GNAQ: variants seen among roughly 807,000 people sequenced by gnomAD.
GNAQ encodes the protein guanine nucleotide-binding protein G(q) subunit alpha.
GNAQ carries 8 observed loss-of-function variants against 43.9 expected under a neutral mutation model. The observed-to-expected ratio is 0.18, with a 90% CI of 0.11 to 0.33. The LOEUF (loss-of-function observed/expected upper bound fraction) is 0.33. Among genes scored for constraint, GNAQ ranks in the 10% least tolerant of loss-of-function variants. The probability of loss-of-function intolerance (pLI) is 1.00; values close to 1 mark genes in which losing one functional copy is unlikely to be tolerated. For missense variants in GNAQ, 158 were observed against 450.8 expected (o/e 0.35, Z 5.88); for synonymous variants, 155 against 170.7 (o/e 0.91, Z 0.71).
intron 1 of GNAQ, among the ~76,000 whole-genome samples, chr9:77,957,154 G>A (rs997752580): frequency 6.6e-6 from 1 of 151,982 alleles, no homozygotes; most frequent in Admixed American, 6.6e-5. Context: ...TCAGAAATTC[G>A]AGACCAGTCT....
At chr9:77,806,185 C>G (rs1375443661) in intron 3 of GNAQ, among the ~76,000 whole-genome samples, 3 of 152,090 alleles carry the variant, frequency 2.0e-5, no homozygotes, top group African/African-American at 7.2e-5. Flanking sequence ...TTTCAATTTG[C>G]CTATTTGGCT....
At chr9:77,868,994 A>AG (rs139874576) in intron 2 of GNAQ, among the ~76,000 whole-genome samples, 2 of 152,070 alleles carry the variant, frequency 1.3e-5, no homozygotes, top group East Asian at 3.9e-4. Flanking sequence ...CTTGCGGGGG[A>AG]GGGGGGAAGA....
chr9:77,930,056 C>T (rs1314189134), intron 1 of GNAQ, among the ~76,000 whole-genome samples: 1 of 151,874 alleles, frequency 6.6e-6, no homozygotes, highest in Non-Finnish European at 1.5e-5. Context: ...TGATAAACAC[C>T]CCTGAACAAA....
intron 3 of GNAQ, among the ~76,000 whole-genome samples, chr9:77,798,793 C>A (rs1380372283): frequency 3.9e-5 from 6 of 152,074 alleles, no homozygotes; most frequent in Non-Finnish European, 8.8e-5. Context: ...AGTAAAGATA[C>A]AATTTTTCTC....
At chr9:77,829,738 C>T (rs1316740348) in intron 2 of GNAQ, among the ~76,000 whole-genome samples, 2 of 152,086 alleles carry the variant, frequency 1.3e-5, no homozygotes, top group Non-Finnish European at 2.9e-5. Flanking sequence ...AAATGCAGAC[C>T]TCTAGGCCTC....
chr9:77,738,516 A>G (rs1300597562), intron 5 of GNAQ, among the ~76,000 whole-genome samples: 1 of 152,202 alleles, frequency 6.6e-6, no homozygotes, highest in African/African-American at 2.4e-5. Flanking sequence ...TGAATTGCCC[A>G]CATAAAACTA....
At chr9:77,753,287 GCGCA>G (rs1221471821) in intron 5 of GNAQ, among the ~76,000 whole-genome samples, 6 of 150,774 alleles carry the variant, frequency 4.0e-5, no homozygotes, top group African/African-American at 4.9e-5. Flanking sequence ...GCGTGCGCAC[GCGCA>G]CACACACACA....
chr9:77,883,011 A>AAAATC (rs2118073745), intron 2 of GNAQ, among the ~76,000 whole-genome samples: 1 of 152,374 alleles, frequency 6.6e-6, no homozygotes, highest in South Asian at 2.1e-4. Context: ...GCAAATTCTT[A>AAAATC]AAATCAAAAT....
chr9:77,819,556 G>T (rs956215871), intron 2 of GNAQ, among the ~76,000 whole-genome samples: 2 of 152,126 alleles, frequency 1.3e-5, no homozygotes, highest in Admixed American at 1.3e-4. Context: ...TTCCACATTT[G>T]TGGAAGCTCT....
intron 2 of GNAQ, among the ~76,000 whole-genome samples, chr9:77,835,591 G>A (rs954457778): frequency 5.3e-5 from 8 of 152,136 alleles, no homozygotes; most frequent in Admixed American, 6.5e-5. Flanking sequence ...CTTTGATTGA[G>A]CATGGACTGT....
chr9:78,028,219 ATAAGT>A (rs547244162), intron 1 of GNAQ, among the ~76,000 whole-genome samples: 13 of 152,340 alleles, frequency 8.5e-5, no homozygotes, highest in Admixed American at 3.9e-4. Context: ...CAAAGAATGA[ATAAGT>A]TAAAAGACAA....
At position 77,775,683 on chromosome 9, in the gene GNAQ, C is replaced by T. The variant is rs141426262; in HGVS notation, c.735+18780G>A. Reference sequence around the variant, plus strand: ...AAAGTGCTGGGATTACAGGCATGAGCCACCACGCCCAGCCTCCTCATCTCT... The same window carrying T: ...AAAGTGCTGGGATTACAGGCATGAGTCACCACGCCCAGCCTCCTCATCTCT... On this transcript the variant is annotated intron_variant, in intron 5 of 6. Coordinates refer to ENST00000286548, the MANE Select transcript of GNAQ (RefSeq NM_002072.5). 2.0e-3 allele frequency among the ~76,000 whole-genome samples: 299 copies of T among 152,090 alleles called. 1 individual carries two copies. The highest frequency in any genetic ancestry group is 7.1e-3 in the African/African-American group (294 of 41,498).
At chr9:77,831,592 A>G (rs984933042) in intron 2 of GNAQ, among the ~76,000 whole-genome samples, 2 of 152,242 alleles carry the variant, frequency 1.3e-5, no homozygotes, top group Admixed American at 6.5e-5. Context: ...CAGATGACAT[A>G]CGCTTTCAAT....
In GNAQ at chr9:77,972,160, G is replaced by GA. The variant is rs199724892; in HGVS notation, c.137-49816dup. On this transcript the variant is annotated intron_variant, in intron 1 of 6. Transcript: ENST00000286548. ...TAGCCAAAATAATAACAATTAAAAT[G>GA]AAAAAAAAATACTAGAAACAAAATC... Among the ~76,000 whole-genome samples, 293 of 149,302 alleles carry GA rather than the reference G, an allele frequency of 2.0e-3. 2 individuals are homozygous for GA. Among genetic ancestry groups the GA allele is most frequent in the African/African-American group, 5.4e-3 (221 of 40,716 alleles).
intron 6 of GNAQ, among the ~76,000 whole-genome samples, chr9:77,722,376 A>G (rs1261818803): frequency 6.6e-6 from 1 of 151,990 alleles, no homozygotes; most frequent in Non-Finnish European, 1.5e-5. Flanking sequence ...ATCTCAGGTG[A>G]TCCACCCGCC....
chr9:77,724,231 C>A (rs1173357023), intron 6 of GNAQ, among the ~76,000 whole-genome samples: 1 of 151,998 alleles, frequency 6.6e-6, no homozygotes, highest in Non-Finnish European at 1.5e-5. Flanking sequence ...CACTGTGTTG[C>A]CCAGGCTGGA....
At chr9:77,952,293 T>C (rs947351468) in intron 1 of GNAQ, among the ~76,000 whole-genome samples, 2 of 152,232 alleles carry the variant, frequency 1.3e-5, no homozygotes, top group African/African-American at 4.8e-5. Flanking sequence ...CCAACAGTTC[T>C]ACAAAACAGA....
At chr9:77,822,895 T>C (rs1827139309) in intron 2 of GNAQ, among the ~76,000 whole-genome samples, 1 of 152,052 alleles carries the variant, frequency 6.6e-6, no homozygotes. Flanking sequence ...CAATACCTCT[T>C]TATCCTATGA....
In GNAQ at chr9:77,728,492, TGTG is replaced by T; in HGVS notation, c.889+19_889+21del. 6.4e-7 allele frequency: 1 copy of T among 1,566,316 alleles called. No individual in the cohort carries two copies. Among genetic ancestry groups the T allele is most frequent in the Non-Finnish European group, 8.8e-7 (1 of 1,138,368 alleles). On this transcript the variant is annotated intron_variant, in intron 6 of 6. Coordinates refer to ENST00000286548, the MANE Select transcript of GNAQ (RefSeq NM_002072.5). ...CAAAACCTATTCACAGCTACTGAGC[TGTG>T]GTATGAGTGCTGACTTACCATCATA...
Sources: allele counts gnomAD v4.1 joint callset (sites outside exome capture counted in the v4.1 genomes callset), GRCh38; gene constraint gnomAD v4.1.1; transcripts MANE v1.5; gene names NCBI Gene and HGNC (gene_info 2026-07-23, HGNC 2026-07-21).